Variants in CDK12 observed in about 807,000 individuals in gnomAD.
The protein encoded by CDK12 is cyclin dependent kinase 12.
A neutral mutation model predicts 133.8 loss-of-function variants in CDK12; 17 were observed. The observed-to-expected ratio is 0.13, with a 90% CI of 0.09 to 0.19. The LOEUF (loss-of-function observed/expected upper bound fraction) is 0.19, where lower values mean the gene tolerates loss of function less well. Among genes scored for constraint, CDK12 ranks in the 10% least tolerant of loss-of-function variants. The probability of loss-of-function intolerance (pLI) is 1.00; values close to 1 mark genes in which losing one functional copy is unlikely to be tolerated. For missense variants in CDK12, 1,508 were observed against 1,818.7 expected (o/e 0.83, Z 3.11); for synonymous variants, 694 against 683.6 (o/e 1.02, Z -0.24).
In CDK12 at chr17:39,526,331, C is replaced by G. The variant is rs368648082; in HGVS notation, c.3760+15C>G. ...GGAGGCAGCAGGTAAACAGACCGGT[C>G]ATGAATCTCATTGAGCTCAGGTGCT... On this transcript the variant is annotated intron_variant, in intron 13 of 13. Coordinates refer to ENST00000447079, the MANE Select transcript of CDK12 (RefSeq NM_016507.4). 40 of 1,554,648 alleles carry G rather than the reference C, an allele frequency of 2.6e-5. No homozygotes were observed. The highest frequency in any genetic ancestry group is 3.5e-5 in the Non-Finnish European group (40 of 1,149,226).
Position 39,552,200 on chromosome 17 carries a change from C to A in CDK12, n.356+1058C>A, listed in dbSNP as rs576158881. 6.6e-5 allele frequency among the ~76,000 whole-genome samples: 10 copies of A among 152,270 alleles called. No individual in the cohort carries two copies. In the South Asian group the frequency reaches 2.1e-3, roughly 32 times the overall value. ...GGATGAGAAGAGCTCTCCTCAGATC[C>A]CTCCAAAACAGTTTGGAAAGAATTT... On this transcript the variant is annotated intron_variant and non_coding_transcript_variant, in intron 2 of 3. Coordinates refer to the CDK12 transcript ENST00000558240.
intron 2 of CDK12, among the ~76,000 whole-genome samples, chr17:39,489,079 A>C (rs1567718698): frequency 2.5e-5 from 3 of 119,900 alleles, no homozygotes. Flanking sequence ...CACCCAGTTA[A>C]TTTTTTTTTT....
At position 39,511,603 on chromosome 17, in the gene CDK12, C is replaced by T. The variant is rs745995091; in HGVS notation, c.2741C>T (p.Thr914Ile). 1 of 1,612,116 alleles carries T rather than the reference C, an allele frequency of 6.2e-7. No homozygotes were observed. Among genetic ancestry groups the T allele is most frequent in the Non-Finnish European group, 8.5e-7 (1 of 1,178,466 alleles). Residue 914 changes from threonine (T) to isoleucine (I), a missense_variant, in exon 8 of 14, where the codon ACA becomes ATA. This residue lies in a region of CDK12 where 82 missense variants were observed against 201.5 expected (regional missense o/e 0.41). Transcript: ENST00000447079. ...PELLLGEERY[T>I]PAIDVWSCGC... ...CTACTGCTAGGAGAGGAACGTTACA[C>T]ACCAGCCATAGATGTTTGGAGCTGT...
At chr17:39,498,718 A>G (rs1019197240) in intron 5 of CDK12, among the ~76,000 whole-genome samples, 17 of 151,586 alleles carry the variant, frequency 1.1e-4, no homozygotes, top group Admixed American at 6.6e-4. Context: ...TTTTGTGGAG[A>G]TGGTGTCTCA....
chr17:39,513,641 C>T (rs2053622131), intron 8 of CDK12, among the ~76,000 whole-genome samples: 1 of 152,160 alleles, frequency 6.6e-6, no homozygotes, highest in Non-Finnish European at 1.5e-5. Context: ...GTGTTGATTA[C>T]ATAATGAAGA....
At chr17:39,489,030 C>G (rs1406476392) in intron 2 of CDK12, among the ~76,000 whole-genome samples, 1 of 152,122 alleles carries the variant, frequency 6.6e-6, no homozygotes, top group Non-Finnish European at 1.5e-5. Context: ...AAGCAATTCT[C>G]CTGCCTCAGC....
intron 11 of CDK12, among the ~76,000 whole-genome samples, chr17:39,522,336 C>T (rs2146631159): frequency 6.6e-6 from 1 of 152,292 alleles, no homozygotes; most frequent in African/African-American, 2.4e-5. Flanking sequence ...ATCTGCCTGC[C>T]TCGGCCTCCG....
At chr17:39,504,065 T>A (rs2052922275) in intron 6 of CDK12, among the ~76,000 whole-genome samples, 1 of 152,166 alleles carries the variant, frequency 6.6e-6, no homozygotes, top group Non-Finnish European at 1.5e-5. Context: ...AGACTTTGGT[T>A]GAGTGAGTGT....
chr17:39,498,739 C>A (rs2146024755), intron 5 of CDK12, among the ~76,000 whole-genome samples: 1 of 151,974 alleles, frequency 6.6e-6, no homozygotes, highest in East Asian at 1.9e-4. Context: ...CTATTTTGCC[C>A]AGTCTGGTTT....
At chr17:39,559,857 TAA>T (rs56017248) in intron 3 of CDK12, among the ~76,000 whole-genome samples, 629 of 133,872 alleles carry the variant, frequency 4.7e-3, no homozygotes, top group Middle Eastern at 0.015. Context: ...GAAAAAATGT[TAA>T]AAAAAAAAAA....
intron 13 of CDK12, among the ~76,000 whole-genome samples, chr17:39,529,287 C>G (rs1040726155): frequency 6.6e-6 from 1 of 152,178 alleles, no homozygotes; most frequent in Non-Finnish European, 1.5e-5. Context: ...GTGCTTTCAT[C>G]TGCATGCTAA....
Position 39,462,029 on chromosome 17 carries a change from T to C in CDK12, c.-43T>C. The stretch of plus-strand genomic sequence containing the variant: ...GGTGGGTGGGGGTTGCTTTTTGGAG[T>C]GCTGGGGAACTTTTTTCCCTTCTTC... On this transcript the variant is annotated 5_prime_UTR_variant, in exon 1 of 14. Transcript: ENST00000447079. 6.5e-7 allele frequency: 1 copy of C among 1,542,242 alleles called. No individual in the cohort carries two copies. The highest frequency in any genetic ancestry group is 8.9e-7 in the Non-Finnish European group (1 of 1,128,448).
At chr17:39,560,647 T>C (rs554339505) in intron 3 of CDK12, among the ~76,000 whole-genome samples, 2 of 152,296 alleles carry the variant, frequency 1.3e-5, no homozygotes, top group East Asian at 3.9e-4. Flanking sequence ...CAGAGAGATG[T>C]TGGGGGCAGG....
chr17:39,479,651 G>C (rs1377374250), intron 2 of CDK12, among the ~76,000 whole-genome samples: 1 of 151,706 alleles, frequency 6.6e-6, no homozygotes, highest in Non-Finnish European at 1.5e-5. Context: ...CCCCGAGACA[G>C]AGTCTTGCTC....
downstream of CDK12, among the ~76,000 whole-genome samples, chr17:39,537,801 A>C (rs2055208236): frequency 6.6e-6 from 1 of 151,912 alleles, no homozygotes; most frequent in Admixed American, 6.6e-5. Flanking sequence ...TGACCTTGTG[A>C]TCCACCCGCC....
rs769804352 is a variant in CDK12, at chr17:39,490,609, A to C, written c.1984A>C (p.Thr662Pro). Residue 662 changes from threonine (T) to proline (P), a missense_variant, in exon 3 of 14, where the codon ACA becomes CCA. By Grantham distance (38) the Thr-to-Pro change is conservative. Around this residue, in one of 9 missense-constraint regions of CDK12, gnomAD observed 347 missense variants for 330.8 expected, o/e 1.05. Coordinates refer to ENST00000447079, the MANE Select transcript of CDK12 (RefSeq NM_016507.4). ...KPVKKEKEQRTRHLLTDLPLP... is the reference protein window; with the variant it reads ...KPVKKEKEQRPRHLLTDLPLP... ...TGTGAAGAAAGAGAAGGAACAGAGG[A>C]CACGTCACTTACTCACAGACCTTCC... The C allele has an allele frequency of 6.2e-7, 1 of 1,613,834 alleles. No individual in the cohort carries two copies. Among genetic ancestry groups the C allele is most frequent in the South Asian group, 1.1e-5 (1 of 91,066 alleles).
At chr17:39,489,653 C>T (rs972986327) in intron 2 of CDK12, among the ~76,000 whole-genome samples, 2 of 150,896 alleles carry the variant, frequency 1.3e-5, no homozygotes, top group African/African-American at 4.9e-5. Context: ...CTACCATGCC[C>T]GGCTAATTTT....
At chr17:39,556,053 A>C (rs1198984884) in intron 2 of CDK12, among the ~76,000 whole-genome samples, 2 of 150,190 alleles carry the variant, frequency 1.3e-5, no homozygotes, top group Non-Finnish European at 3.0e-5. Context: ...AAAAAAAAAG[A>C]AAACATGCCA....
At chr17:39,489,025 A>G (rs1265509991) in intron 2 of CDK12, among the ~76,000 whole-genome samples, 3 of 149,718 alleles carry the variant, frequency 2.0e-5, no homozygotes, top group Admixed American at 6.7e-5. Flanking sequence ...GGCTCAAGCA[A>G]TTCTCCTGCC....
Sources: allele counts gnomAD v4.1 joint callset (sites outside exome capture counted in the v4.1 genomes callset), GRCh38; gene constraint gnomAD v4.1.1; regional missense constraint gnomAD v4.1.1; transcripts MANE v1.5; gene names NCBI Gene and HGNC (gene_info 2026-07-23, HGNC 2026-07-21).